The following GNB1 variants were observed in gnomAD, a reference collection of about 807,000 sequenced individuals.
GNB1 encodes the protein G protein subunit beta 1.
In GNB1, 2 loss-of-function variants were observed where a neutral mutation model predicts 42.9. That is an observed-to-expected ratio of 0.05 (90% confidence interval 0.02 to 0.15). The LOEUF is 0.15. GNB1 is among the 10% of genes least tolerant of loss of function. The pLI is 1.00. For missense variants in GNB1, 193 were observed against 462.2 expected (o/e 0.42, Z 5.34); for synonymous variants, 183 against 174.7 (o/e 1.05, Z -0.38).
chr1:1,825,346 C>G, intron 3 of GNB1, 51 bp downstream of exon 3: 1 of 1,291,556 alleles, frequency 7.7e-7, no homozygotes, highest in Non-Finnish European at 1.1e-6. Context: ...CAAGTAACAT[C>G]TAACCTGAAA....
chr1:1,852,064 C>T (rs1648015349), intron 1 of GNB1, among the ~76,000 whole-genome samples: 1 of 150,854 alleles, frequency 6.6e-6, no homozygotes, highest in South Asian at 2.1e-4. Flanking sequence ...AATAAAGAGA[C>T]ATTCACTTTA....
chr1:1,873,908 A>G (rs989248524), intron 1 of GNB1, among the ~76,000 whole-genome samples: 2 of 152,182 alleles, frequency 1.3e-5, no homozygotes, highest in African/African-American at 4.8e-5. Context: ...ACAACCACCA[A>G]TGTATCCAGG....
chr1:1,824,747 A>AT (rs2100984960), intron 3 of GNB1, among the ~76,000 whole-genome samples: 1 of 151,804 alleles, frequency 6.6e-6, no homozygotes, highest in South Asian at 2.1e-4. Flanking sequence ...TAATTTTTAT[A>AT]TTTTTTGTAG....
At chr1:1,792,467 G>A (rs1018722268) in intron 8 of GNB1, among the ~76,000 whole-genome samples, 57 of 152,068 alleles carry the variant, frequency 3.7e-4, no homozygotes, top group African/African-American at 1.4e-3. Flanking sequence ...AGAGGCTGAC[G>A]CAGGCAGATC....
chr1:1,793,289 G>A lies in GNB1; in HGVS notation c.453C>T (p.Phe151=). 6.2e-7 allele frequency: 1 copy of A among 1,613,226 alleles called. No individual in the cohort carries two copies. Among genetic ancestry groups the A allele is most frequent in the Non-Finnish European group, 8.5e-7 (1 of 1,179,388 alleles). Residue 151 remains phenylalanine (F), a synonymous_variant, in exon 8 of 12, where the codon TTC becomes TTT. Coordinates refer to ENST00000378609, the MANE Select transcript of GNB1 (RefSeq NM_002074.5). ...TGGTGACGATCTGATTGTCATCCAG[G>A]AATCGGCAGCAGGACAGGTAACCTG... ...GHTGYLSCCR[F]LDDNQIVTSS... is the part of the protein sequence containing the mutation.
chr1:1,863,814 G>A (rs1648763168), intron 1 of GNB1, among the ~76,000 whole-genome samples: 1 of 152,212 alleles, frequency 6.6e-6, no homozygotes, highest in Admixed American at 6.5e-5. Flanking sequence ...TCTCAGTGTA[G>A]TATATGGCAG....
intron 5 of GNB1, among the ~76,000 whole-genome samples, chr1:1,811,368 G>A (rs1308178467): frequency 2.0e-5 from 3 of 152,104 alleles, no homozygotes; most frequent in Non-Finnish European, 4.4e-5. Context: ...GGTTACAGGT[G>A]TGAGCCACCG....
At chr1:1,807,695 C>T (rs1038271049) in intron 5 of GNB1, among the ~76,000 whole-genome samples, 9 of 151,510 alleles carry the variant, frequency 5.9e-5, no homozygotes, top group Non-Finnish European at 1.2e-4. Context: ...GTAACTATCA[C>T]GAATTTTTTC....
At chr1:1,805,492 AG>A (rs1646684835) in intron 6 of GNB1, among the ~76,000 whole-genome samples, 1 of 152,140 alleles carries the variant, frequency 6.6e-6, no homozygotes, top group African/African-American at 2.4e-5. Context: ...ACGTATTGGA[AG>A]GAAAACACTG....
chr1:1,882,377 G>A (rs1033662420), intron 1 of GNB1, among the ~76,000 whole-genome samples: 40 of 131,580 alleles, frequency 3.0e-4, no homozygotes, highest in Admixed American at 2.3e-3. Context: ...GCAGTGAGCC[G>A]AAATCGTGCC....
chr1:1,864,861 A>G (rs1208296161), intron 1 of GNB1, among the ~76,000 whole-genome samples: 1 of 152,244 alleles, frequency 6.6e-6, no homozygotes, highest in Non-Finnish European at 1.5e-5. Context: ...TAAAGGTTTC[A>G]TCAGCTACAA....
At chr1:1,870,945 A>G (rs1649214566) in intron 1 of GNB1, among the ~76,000 whole-genome samples, 1 of 152,046 alleles carries the variant, frequency 6.6e-6, no homozygotes, top group Admixed American at 6.6e-5. Flanking sequence ...AAACAATAAA[A>G]TAAAATAAAA....
At chr1:1,885,251 A>T (rs946460134) in intron 1 of GNB1, among the ~76,000 whole-genome samples, 7 of 151,026 alleles carry the variant, frequency 4.6e-5, no homozygotes, top group African/African-American at 1.7e-4. Flanking sequence ...CATCTCTACT[A>T]AAACTACAAA....
At chr1:1,886,849 G>T (rs1243442210) in intron 1 of GNB1, among the ~76,000 whole-genome samples, 1 of 152,162 alleles carries the variant, frequency 6.6e-6, no homozygotes, top group African/African-American at 2.4e-5. Context: ...GGGATTACAG[G>T]TGCCCAGCAC....
chr1:1,850,914 G>C (rs952485037), intron 1 of GNB1, among the ~76,000 whole-genome samples: 1 of 152,174 alleles, frequency 6.6e-6, no homozygotes, highest in Admixed American at 6.5e-5. Context: ...GTTGGGTTTG[G>C]ATTTTATAAT....
chr1:1,883,890 T>A (rs187877214), intron 1 of GNB1, among the ~76,000 whole-genome samples: 1 of 152,276 alleles, frequency 6.6e-6, no homozygotes, highest in Non-Finnish European at 1.5e-5. Flanking sequence ...GGAATTATTT[T>A]AAAATTCCTA....
chr1:1,785,535 GA>G lies in GNB1; in HGVS notation c.*1527del, dbSNP rs1378103633. 6.4e-6 allele frequency: 1 copy of G among 155,182 alleles called. No individual in the cohort carries two copies. The highest frequency in any genetic ancestry group is 2.4e-5 in the African/African-American group (1 of 41,204). The allele number at this position is 155,182 out of a possible 1,614,324, so 9.6% of individuals were successfully genotyped here. The stretch of plus-strand genomic sequence containing the variant: ...GCACAGTTTTGTATAGAATGTTGCA[GA>G]AAACAGGATGGAGAAGCCACTACTG... On this transcript the variant is annotated 3_prime_UTR_variant, in exon 12 of 12. Transcript: ENST00000378609.
intron 2 of GNB1, among the ~76,000 whole-genome samples, chr1:1,833,495 G>A (rs922057949): frequency 1.3e-5 from 2 of 152,106 alleles, no homozygotes; most frequent in African/African-American, 2.4e-5. Context: ...GACCACTAAC[G>A]CAGCTGCAGA....
intron 1 of GNB1, among the ~76,000 whole-genome samples, chr1:1,872,906 C>A (rs1373105560): frequency 1.3e-5 from 2 of 152,134 alleles, no homozygotes; most frequent in African/African-American, 2.4e-5. Context: ...CCCACAGATA[C>A]CATATTATTA....
Sources: allele counts gnomAD v4.1 joint callset (sites outside exome capture counted in the v4.1 genomes callset), GRCh38; gene constraint gnomAD v4.1.1; transcripts MANE v1.5; gene names NCBI Gene and HGNC (gene_info 2026-07-23, HGNC 2026-07-21).